Variants in TENM3 observed in about 807,000 individuals in gnomAD.
TENM3 encodes the protein teneurin-3.
TENM3 carries 63 observed loss-of-function variants against 255.1 expected under a neutral mutation model. That is an observed-to-expected ratio of 0.25 (90% CI 0.20 to 0.30). The LOEUF is 0.30. TENM3 is among the 10% of genes least tolerant of loss of function. The pLI is 1.00. For missense variants in TENM3, 2,929 were observed against 3,461.1 expected, an observed-to-expected ratio of 0.85 and a Z score of 3.86; for synonymous variants, 1,306 against 1,322.3, an observed-to-expected ratio of 0.99 and a Z score of 0.27.
the TENM3 span, among the ~76,000 whole-genome samples, chr4:181,815,876 C>A: frequency 6.6e-6 from 1 of 152,138 alleles, no homozygotes; most frequent in Non-Finnish European, 1.5e-5. Flanking sequence ...AAAACCCAGC[C>A]TTTTCAGAGC....
At chr4:181,644,481 T>C in the TENM3 span, among the ~76,000 whole-genome samples, 1 of 151,998 alleles carries the variant, frequency 6.6e-6, no homozygotes, top group Non-Finnish European at 1.5e-5. Context: ...CTCCTAAAGA[T>C]GAAAGATAAT....
chr4:182,232,346 A>C (rs983314903), intron 1 of TENM3, among the ~76,000 whole-genome samples: 15 of 152,210 alleles, frequency 9.9e-5, no homozygotes, highest in African/African-American at 2.7e-4. Context: ...CCCTATTATC[A>C]GATCAGATAT....
intron 1 of TENM3, among the ~76,000 whole-genome samples, chr4:182,238,205 G>A (rs1053341374): frequency 6.6e-6 from 1 of 151,982 alleles, no homozygotes; most frequent in Admixed American, 6.5e-5. Flanking sequence ...TGAGTCTGGG[G>A]TCGTCGGAAG....
the TENM3 span, among the ~76,000 whole-genome samples, chr4:182,083,781 C>T: frequency 6.6e-6 from 1 of 152,156 alleles, no homozygotes; most frequent in African/African-American, 2.4e-5. Flanking sequence ...ATACGTGGCA[C>T]TCGTCTCTTT....
the TENM3 span, among the ~76,000 whole-genome samples, chr4:182,054,027 A>G: frequency 9.1e-4 from 138 of 152,292 alleles, no homozygotes; most frequent in Middle Eastern, 3.4e-3. Context: ...TCGCCTGCTC[A>G]AAAACTCTCC....
At chr4:181,618,246 C>T in the TENM3 span, among the ~76,000 whole-genome samples, 6 of 152,224 alleles carry the variant, frequency 3.9e-5, no homozygotes, top group South Asian at 1.0e-3. Context: ...TGACTTACAC[C>T]AGTTTCAGTC....
At position 182,437,771 on chromosome 4, in the gene TENM3, C is replaced by A. The variant is rs189980813; in HGVS notation, c.511+90842C>A. ...TGAGATCGCACCACCGCACTTCAGCCTGGATGACAGAGCGAGACTCCGTCT... is the reference window on the plus strand; with the variant it reads ...TGAGATCGCACCACCGCACTTCAGCATGGATGACAGAGCGAGACTCCGTCT... On this transcript the variant is annotated intron_variant, in intron 3 of 27. Transcript: ENST00000511685. Among the ~76,000 whole-genome samples the A allele has an allele frequency of 1.9e-3, 286 of 150,522 alleles. 6 individuals carry two copies. Among genetic ancestry groups the A allele is most frequent in the Admixed American group, 5.3e-4 (8 of 15,086 alleles).
At chr4:181,461,502 A>G in the TENM3 span, among the ~76,000 whole-genome samples, 2 of 152,118 alleles carry the variant, frequency 1.3e-5, no homozygotes, top group African/African-American at 2.4e-5. Context: ...TCTATTCCAC[A>G]TATGTTAAAT....
At chr4:182,686,106 A>G (rs1756554217) in intron 11 of TENM3, among the ~76,000 whole-genome samples, 1 of 152,058 alleles carries the variant, frequency 6.6e-6, no homozygotes, top group South Asian at 2.1e-4. Context: ...AGAGATCTTT[A>G]TCCTATTCAT....
chr4:181,694,057 A>G, the TENM3 span, among the ~76,000 whole-genome samples: 629 of 152,326 alleles, frequency 4.1e-3, 6 homozygotes, highest in African/African-American at 0.015. Flanking sequence ...TAATAGTACC[A>G]ATTCCACAGA....
At chr4:181,469,368 A>G in the TENM3 span, among the ~76,000 whole-genome samples, 1 of 152,186 alleles carries the variant, frequency 6.6e-6, no homozygotes, top group East Asian at 1.9e-4. Context: ...TGCTACTTTT[A>G]TAAATTATTG....
the TENM3 span, among the ~76,000 whole-genome samples, chr4:182,064,059 G>A: frequency 5.9e-5 from 9 of 151,950 alleles, no homozygotes; most frequent in Non-Finnish European, 1.0e-4. Flanking sequence ...TTCCCCTGCC[G>A]TTTGCCAGTT....
At chr4:182,084,894 C>A in the TENM3 span, 1 of 152,110 alleles carries the variant, frequency 6.6e-6, no homozygotes, top group Admixed American at 6.5e-5. Context: ...TCCATTAAAC[C>A]TGAGTGGAAG....
chr4:182,516,401 G>T (rs559213733), intron 3 of TENM3, among the ~76,000 whole-genome samples: 4 of 152,318 alleles, frequency 2.6e-5, no homozygotes, highest in Middle Eastern at 3.4e-3. Context: ...ACTACTCTCA[G>T]ATTTGCTTAA....
chr4:182,320,174 G>C (rs1301116486), intron 1 of TENM3, among the ~76,000 whole-genome samples: 1 of 152,090 alleles, frequency 6.6e-6, no homozygotes, highest in Admixed American at 6.5e-5. Flanking sequence ...TTTACACACT[G>C]TTTTCTCTAA....
At chr4:182,683,215 ACT>A (rs1756309473) in intron 11 of TENM3, among the ~76,000 whole-genome samples, 1 of 152,072 alleles carries the variant, frequency 6.6e-6, no homozygotes, top group Non-Finnish European at 1.5e-5. Flanking sequence ...ATCATGGGAC[ACT>A]CTTCACAAAG....
chr4:182,351,137 G>A (rs1489866767), intron 3 of TENM3, among the ~76,000 whole-genome samples: 2 of 151,504 alleles, frequency 1.3e-5, no homozygotes, highest in Non-Finnish European at 2.9e-5. Context: ...CTTTAAAAAT[G>A]TTTCCATGGA....
chr4:181,806,932 G>T, the TENM3 span, among the ~76,000 whole-genome samples: 1 of 152,118 alleles, frequency 6.6e-6, no homozygotes, highest in African/African-American at 2.4e-5. Context: ...CTCCATGGTT[G>T]AACTGTATCT....
intron 3 of TENM3, among the ~76,000 whole-genome samples, chr4:182,484,651 T>C (rs1734529149): frequency 6.6e-6 from 1 of 152,156 alleles, no homozygotes; most frequent in Non-Finnish European, 1.5e-5. Context: ...AATAAATTAA[T>C]GATAAAGAAA....
Sources: gnomAD v4.1 joint callset for allele counts (sites outside exome capture counted in the v4.1 genomes callset) on GRCh38, gnomAD v4.1.1 for gene constraint, MANE v1.5 for transcripts, NCBI Gene and HGNC (gene_info 2026-07-23, HGNC 2026-07-21) for gene names.